Variants in ADCY2 observed in about 807,000 individuals in gnomAD.
ADCY2 encodes the protein adenylate cyclase type 2.
Under a neutral mutation model 125.2 loss-of-function variants are expected in ADCY2, and 31 were observed. The ratio of observed to expected loss-of-function variants is 0.25; its 90% confidence interval spans 0.19 to 0.33. The LOEUF (loss-of-function observed/expected upper bound fraction) is 0.33. ADCY2 is among the 10% of genes least tolerant of loss of function. The probability of loss-of-function intolerance (pLI) is 1.00; values close to 1 mark genes in which losing one functional copy is unlikely to be tolerated. For missense variants in ADCY2, 904 were observed against 1,418.2 expected (o/e 0.64, Z 5.82); for synonymous variants, 512 against 548.4 (o/e 0.93, Z 0.93).
chr5:7,489,621 A>G (rs1743084719), intron 2 of ADCY2, among the ~76,000 whole-genome samples: 1 of 152,116 alleles, frequency 6.6e-6, no homozygotes, highest in Non-Finnish European at 1.5e-5. Context: ...TTCCACCATG[A>G]TTGTGAGGCC....
chr5:7,593,797 C>T (rs79175962), intron 3 of ADCY2, among the ~76,000 whole-genome samples: 2 of 150,888 alleles, frequency 1.3e-5, no homozygotes, highest in Non-Finnish European at 2.9e-5. Context: ...AGACAATAGA[C>T]AAACGTGAAA....
At chr5:7,459,828 C>A (rs1239525439) in intron 2 of ADCY2, among the ~76,000 whole-genome samples, 1 of 130,516 alleles carries the variant, frequency 7.7e-6, no homozygotes, top group Non-Finnish European at 1.5e-5. Flanking sequence ...GCTCTCTCGC[C>A]CAGGCTGGAG....
At chr5:7,557,549 C>T (rs954022750) in intron 3 of ADCY2, among the ~76,000 whole-genome samples, 1 of 152,102 alleles carries the variant, frequency 6.6e-6, no homozygotes, top group Non-Finnish European at 1.5e-5. Flanking sequence ...CCAATAGGCC[C>T]CAGAGTGTGT....
chr5:7,821,371 A>G (rs1745293772), intron 24 of ADCY2, among the ~76,000 whole-genome samples: 1 of 152,230 alleles, frequency 6.6e-6, no homozygotes, highest in East Asian at 1.9e-4. Context: ...AAAATCTGTT[A>G]TTAGAACTAT....
intron 22 of ADCY2, among the ~76,000 whole-genome samples, chr5:7,813,635 G>C (rs974595190): frequency 1.3e-5 from 2 of 152,174 alleles, no homozygotes; most frequent in African/African-American, 4.8e-5. Context: ...GAAATGAATT[G>C]AGTTCTTCTA....
chr5:7,463,104 C>T (rs549657812), intron 2 of ADCY2, among the ~76,000 whole-genome samples: 1 of 152,234 alleles, frequency 6.6e-6, no homozygotes, highest in South Asian at 2.1e-4. Flanking sequence ...GAGTCAGTAG[C>T]AATAGTGTTT....
At chr5:7,535,439 G>A (rs1394389681) in intron 3 of ADCY2, among the ~76,000 whole-genome samples, 1 of 152,190 alleles carries the variant, frequency 6.6e-6, no homozygotes, top group Non-Finnish European at 1.5e-5. Flanking sequence ...CAAATAAAAA[G>A]CCTCTAGGTG....
chr5:7,510,944 C>T (rs975372084), intron 2 of ADCY2, among the ~76,000 whole-genome samples: 7 of 152,186 alleles, frequency 4.6e-5, no homozygotes, highest in African/African-American at 1.7e-4. Context: ...CTGCCTGAGG[C>T]ACTAGGGAAT....
At chr5:7,781,047 CGTT>C (rs1743908280) in intron 18 of ADCY2, among the ~76,000 whole-genome samples, 1 of 152,142 alleles carries the variant, frequency 6.6e-6, no homozygotes, top group South Asian at 2.1e-4. Flanking sequence ...CTACCATTGT[CGTT>C]GTGTTGGAAA....
At chr5:7,466,895 C>A (rs1038810030) in intron 2 of ADCY2, among the ~76,000 whole-genome samples, 1 of 152,122 alleles carries the variant, frequency 6.6e-6, no homozygotes, top group African/African-American at 2.4e-5. Context: ...ACAGACAGTT[C>A]CTGAATTAGG....
intron 4 of ADCY2, among the ~76,000 whole-genome samples, chr5:7,676,105 G>T (rs1740118510): frequency 2.0e-5 from 3 of 152,176 alleles, no homozygotes; most frequent in South Asian, 4.1e-4. Context: ...TTGGGTAAAT[G>T]ATGAGTGAGG....
At chr5:7,688,264 T>A (rs972237796) in intron 4 of ADCY2, among the ~76,000 whole-genome samples, 2 of 87,908 alleles carry the variant, frequency 2.3e-5, no homozygotes, top group African/African-American at 9.8e-5. Context: ...ATCTCCTGAT[T>A]TTTTTTGTTG....
At chr5:7,431,953 G>C (rs757810521) in intron 2 of ADCY2, among the ~76,000 whole-genome samples, 1 of 152,052 alleles carries the variant, frequency 6.6e-6, no homozygotes, top group East Asian at 1.9e-4. Context: ...TTTCTCGCTG[G>C]AGTGTTGCCT....
intron 1 of ADCY2, among the ~76,000 whole-genome samples, chr5:7,402,806 C>T (rs1361603027): frequency 6.6e-6 from 1 of 152,092 alleles, no homozygotes. Context: ...ACAATCGTTT[C>T]ATTTTAAAAG....
intron 2 of ADCY2, among the ~76,000 whole-genome samples, chr5:7,433,794 T>C (rs1740696197): frequency 6.6e-6 from 1 of 151,934 alleles, no homozygotes; most frequent in South Asian, 2.1e-4. Flanking sequence ...AGGGGTGAAA[T>C]TAAAACAGCG....
At chr5:7,513,359 T>C (rs1277353903) in intron 2 of ADCY2, among the ~76,000 whole-genome samples, 2 of 152,190 alleles carry the variant, frequency 1.3e-5, no homozygotes, top group Admixed American at 6.5e-5. Context: ...ATGTGAAGTA[T>C]TATCAAGGAA....
At chr5:7,620,157 AAAT>A in intron 3 of ADCY2, among the ~76,000 whole-genome samples, 1 of 152,200 alleles carries the variant, frequency 6.6e-6, no homozygotes, top group Non-Finnish European at 1.5e-5. Flanking sequence ...CCTTCAGTCC[AAAT>A]ATATCTGGAA....
chr5:7,614,204 A>G (rs1399460698), intron 3 of ADCY2, among the ~76,000 whole-genome samples: 1 of 152,190 alleles, frequency 6.6e-6, no homozygotes, highest in Non-Finnish European at 1.5e-5. Flanking sequence ...TTGTTTGAGT[A>G]AATTTGTGAA....
At chr5:7,820,911 G>T (rs1040977324) in intron 24 of ADCY2, among the ~76,000 whole-genome samples, 3 of 152,202 alleles carry the variant, frequency 2.0e-5, no homozygotes, top group African/African-American at 4.8e-5. Context: ...TATTATATTT[G>T]TGAAAACAAA....
Sources: gnomAD v4.1 joint callset for allele counts (sites outside exome capture counted in the v4.1 genomes callset) on GRCh38, gnomAD v4.1.1 for gene constraint, MANE v1.5 for transcripts, NCBI Gene and HGNC (gene_info 2026-07-23, HGNC 2026-07-21) for gene names.